LAMA1: variants seen among roughly 807,000 people sequenced by gnomAD.
LAMA1 encodes laminin subunit alpha 1.
A neutral mutation model predicts 348.7 loss-of-function variants in LAMA1; 219 were observed. That is an observed-to-expected ratio of 0.63 (90% confidence interval 0.56 to 0.70). The LOEUF (loss-of-function observed/expected upper bound fraction) is 0.70. Among genes scored for constraint, LAMA1 ranks in the 30% least tolerant of loss-of-function variants. The pLI, the probability that LAMA1 is intolerant of heterozygous loss-of-function variation, is 0.00. For synonymous variants in LAMA1, 1,487 were observed against 1,491.0 expected (o/e 1.00, Z 0.06); for missense variants, 3,744 against 3,888.0 (o/e 0.96, Z 0.99).
intron 20 of LAMA1, 103 bp from the exon 21 acceptor site, chr18:7,016,774 C>A: frequency 9.2e-7 from 1 of 1,085,710 alleles, no homozygotes. Flanking sequence ...TTCATAGAAT[C>A]ATAAAGTATT....
intron 27 of LAMA1, 147 bp downstream of exon 27, chr18:7,009,089 AATG>A: frequency 1.2e-6 from 1 of 838,198 alleles, no homozygotes; most frequent in Non-Finnish European, 1.9e-6. Context: ...CACATTCCAT[AATG>A]ATATTAATAT....
intron 46 of LAMA1, among the ~76,000 whole-genome samples, chr18:6,973,950 T>C (rs2057669935): frequency 6.6e-6 from 1 of 152,114 alleles, no homozygotes; most frequent in African/African-American, 2.4e-5. Flanking sequence ...TGGATAAATT[T>C]TTAACTTTTT....
At chr18:7,110,950 T>A (rs2058333463) in intron 1 of LAMA1, among the ~76,000 whole-genome samples, 1 of 148,908 alleles carries the variant, frequency 6.7e-6, no homozygotes, top group Non-Finnish European at 1.5e-5. Context: ...TTTAAGCATC[T>A]TCTTTAACAC....
chr18:7,034,539 G>C lies in LAMA1; in HGVS notation c.1991C>G (p.Ala664Gly). Residue 664 changes from alanine to glycine, a missense_variant, in exon 14 of 63, where the codon GCC becomes GGC. This residue lies in a region of LAMA1 where 1,529 missense variants were observed against 1,689.4 expected (regional missense o/e 0.91). Coordinates refer to ENST00000389658, the MANE Select transcript of LAMA1 (RefSeq NM_005559.4). The part of the protein sequence containing the change: ...IDRDQLMTVL[A>G]NVTHLLIRAN... ...TCTGATCAAAAGATGTGTCACATTG[G>C]CAAGGACAGTCATCAGCTGGTCACG... 1 of 1,614,102 alleles carries C rather than the reference G, an allele frequency of 6.2e-7. No individual in the cohort carries two copies. Among genetic ancestry groups the C allele is most frequent in the Non-Finnish European group, 8.5e-7 (1 of 1,180,032 alleles).
intron 35 of LAMA1, 33 bp from the exon 36 acceptor site, chr18:6,992,753 C>A (rs754156113): frequency 6.3e-7 from 1 of 1,590,220 alleles, no homozygotes; most frequent in Admixed American, 1.7e-5. Flanking sequence ...ATTTAATAAG[C>A]CTCTCAAAAG....
rs200017401 is a variant in LAMA1 at position 7,014,083 on chromosome 18, A to C, written c.3127-32T>G. The C allele has an allele frequency of 1.1e-4, 168 of 1,554,766 alleles. No individual in the cohort carries two copies. The East Asian group carries it at 3.0e-3, about 27-fold the overall frequency. On this transcript the variant is annotated intron_variant, in intron 22 of 62. Transcript: ENST00000389658. ...GAAGGGAAAACCAACTCAATTAAAA[A>C]GGCAGATTTGATGCTTCCAAATGCA...
chr18:7,114,255 C>G (rs2058347515), intron 1 of LAMA1, among the ~76,000 whole-genome samples: 1 of 152,124 alleles, frequency 6.6e-6, no homozygotes, highest in East Asian at 1.9e-4. Flanking sequence ...CTATGACACA[C>G]CCTACACTGT....
At chr18:6,943,105 C>G in intron 62 of LAMA1, 75 bp downstream of exon 62, 1 of 1,273,972 alleles carries the variant, frequency 7.8e-7, no homozygotes, top group Non-Finnish European at 1.1e-6. Context: ...AATCCCTATT[C>G]TACATCCACC....
intron 7 of LAMA1, among the ~76,000 whole-genome samples, chr18:7,043,674 T>C (rs1289640593): frequency 1.3e-5 from 2 of 152,154 alleles, no homozygotes; most frequent in Admixed American, 1.3e-4. Flanking sequence ...GAAGGACACA[T>C]ACAGGGTTAA....
At chr18:7,036,513 G>T (rs1010229206) in intron 12 of LAMA1, among the ~76,000 whole-genome samples, 1 of 152,084 alleles carries the variant, frequency 6.6e-6, no homozygotes, top group Non-Finnish European at 1.5e-5. Flanking sequence ...GTTAGAGAAA[G>T]GACTAAAGGT....
chr18:7,028,609 T>C (rs957859340), intron 16 of LAMA1, among the ~76,000 whole-genome samples: 3 of 152,108 alleles, frequency 2.0e-5, no homozygotes, highest in Admixed American at 6.5e-5. Flanking sequence ...AGGCTAACAA[T>C]CCAGGCTGTA....
intron 3 of LAMA1, chr18:7,079,621 A>T (rs1336438436): frequency 2.8e-6 from 1 of 356,924 alleles, no homozygotes; most frequent in African/African-American, 2.1e-5. Flanking sequence ...GTAAGCTAAA[A>T]GTTAGGAAAT....
intron 36 of LAMA1, among the ~76,000 whole-genome samples, chr18:6,992,003 G>C (rs1661390875): frequency 2.0e-5 from 3 of 152,144 alleles, no homozygotes; most frequent in Admixed American, 2.0e-4. Context: ...GCCTGTGCTA[G>C]TATATCAAGT....
Position 7,080,257 on chromosome 18 carries a change from G to GA in LAMA1, c.232+29dup, listed in dbSNP as rs763256952. 5 of 1,613,646 alleles carry GA rather than the reference G, an allele frequency of 3.1e-6. No individual in the cohort carries two copies. The Admixed American group carries it at 8.3e-5, about 27-fold the overall frequency. ...TTTCACAAAGTGTACATTCCCATGG[G>GA]AATTTCAGAAATAAAGGCGCGACAC... On this transcript the variant is annotated intron_variant, in intron 2 of 62. Coordinates refer to ENST00000389658, the MANE Select transcript of LAMA1 (RefSeq NM_005559.4).
intron 23 of LAMA1, 133 bp from the exon 24 acceptor site, chr18:7,012,271 C>T (rs1028610511): frequency 1.8e-5 from 17 of 950,698 alleles, no homozygotes; most frequent in Admixed American, 1.4e-4. Context: ...TTTCCTCTAG[C>T]CAGGCCCGGA....
At position 6,978,446 on chromosome 18, in the gene LAMA1, A is replaced by G; in HGVS notation, c.6008-68T>C. The stretch of plus-strand genomic sequence containing the variant: ...ACACAGAGAAAAGAATAAAACGACA[A>G]CAAATGTAATTTCGCACAGAAATAT... On this transcript the variant is annotated intron_variant, in intron 42 of 62. Coordinates refer to ENST00000389658, the MANE Select transcript of LAMA1 (RefSeq NM_005559.4). The G allele has an allele frequency of 2.9e-6, 4 of 1,379,918 alleles. No individual in the cohort carries two copies. The Admixed American group carries it at 5.1e-5, about 17-fold the overall frequency. 85.5% of individuals were successfully genotyped at this position (1,379,918 alleles called of 1,614,324 possible).
intron 3 of LAMA1, among the ~76,000 whole-genome samples, chr18:7,054,859 A>C (rs78404308): frequency 0.02 from 3,049 of 152,228 alleles, 97 homozygotes; most frequent in African/African-American, 0.07. Context: ...TTACAATTTT[A>C]ATAACAATTT....
chr18:6,977,942 A>G, intron 43 of LAMA1, 61 bp from the exon 44 acceptor site: 1 of 1,557,350 alleles, frequency 6.4e-7, no homozygotes, highest in Non-Finnish European at 8.8e-7. Flanking sequence ...AAACAAGATA[A>G]TTAATTGTCC....
At chr18:7,089,429 G>A (rs2058230915) in intron 1 of LAMA1, among the ~76,000 whole-genome samples, 1 of 152,222 alleles carries the variant, frequency 6.6e-6, no homozygotes, top group Admixed American at 6.5e-5. Flanking sequence ...TCCACTTGGT[G>A]GTGAGGTGAC....
Sources: gnomAD v4.1 joint callset for allele counts (sites outside exome capture counted in the v4.1 genomes callset) on GRCh38, gnomAD v4.1.1 for gene constraint, gnomAD v4.1.1 regional missense constraint, MANE v1.5 for transcripts, NCBI Gene and HGNC (gene_info 2026-07-23, HGNC 2026-07-21) for gene names.